Variants in MCPH1 observed in about 807,000 individuals in gnomAD.
MCPH1 encodes microcephalin 1, also known as microcephalin.
A neutral mutation model predicts 84.5 loss-of-function variants in MCPH1; 104 were observed. The observed-to-expected ratio is 1.23, with a 90% CI of 1.05 to 1.45. The LOEUF is 1.45. Ranked by LOEUF, MCPH1 falls within the 40% of genes most tolerant of loss-of-function variation. The pLI is 0.00. For missense variants in MCPH1, 1,498 were observed against 1,005.7 expected (o/e 1.49, Z -6.62); for synonymous variants, 514 against 366.8 (o/e 1.40, Z -4.58).
chr8:6,609,645 G>T (rs1830079471), intron 12 of MCPH1, among the ~76,000 whole-genome samples: 1 of 152,206 alleles, frequency 6.6e-6, no homozygotes, highest in African/African-American at 2.4e-5. Flanking sequence ...GAAAAGCTAA[G>T]CCGGGAGCGA....
At chr8:6,593,569 G>A (rs1828687008) in intron 12 of MCPH1, among the ~76,000 whole-genome samples, 1 of 152,030 alleles carries the variant, frequency 6.6e-6, no homozygotes, top group Non-Finnish European at 1.5e-5. Context: ...GTCCAGGCTA[G>A]TCCCAGACTC....
chr8:6,567,297 A>G (rs1434105935), intron 12 of MCPH1, among the ~76,000 whole-genome samples: 3 of 28,982 alleles, frequency 1.0e-4, no homozygotes, highest in Non-Finnish European at 3.0e-4. Flanking sequence ...GATAGTGTAC[A>G]CGGTGCGATG....
chr8:6,575,697 G>A (rs1273104548), intron 12 of MCPH1, among the ~76,000 whole-genome samples: 1 of 152,194 alleles, frequency 6.6e-6, no homozygotes, highest in Non-Finnish European at 1.5e-5. Context: ...AATCAGTTAA[G>A]ATAGGGTCAT....
chr8:6,509,761 G>A (rs934609981), intron 12 of MCPH1, among the ~76,000 whole-genome samples: 34 of 152,124 alleles, frequency 2.2e-4, no homozygotes, highest in South Asian at 4.1e-4. Flanking sequence ...CTGACCTTTG[G>A]AGCATCATAG....
intron 12 of MCPH1, chr8:6,503,085 A>T: frequency 6.2e-7 from 1 of 1,614,034 alleles, no homozygotes; most frequent in Non-Finnish European, 8.5e-7. Flanking sequence ...ACAGTTCCTC[A>T]GGTGGACTGG....
At chr8:6,548,199 C>G (rs1050522826) in intron 12 of MCPH1, among the ~76,000 whole-genome samples, 1 of 152,104 alleles carries the variant, frequency 6.6e-6, no homozygotes, top group Non-Finnish European at 1.5e-5. Flanking sequence ...CACGCTTTGA[C>G]TTTAGAAGGC....
At chr8:6,564,621 G>A (rs891766915) in intron 12 of MCPH1, among the ~76,000 whole-genome samples, 1 of 152,114 alleles carries the variant, frequency 6.6e-6, no homozygotes, top group Non-Finnish European at 1.5e-5. Context: ...TATTCCCAGT[G>A]AGCGCTGAAT....
At chr8:6,544,705 C>T (rs1488992623) in intron 12 of MCPH1, among the ~76,000 whole-genome samples, 4 of 152,092 alleles carry the variant, frequency 2.6e-5, no homozygotes, top group South Asian at 4.1e-4. Flanking sequence ...CAGAAAATGG[C>T]ACTCTAAGAA....
chr8:6,523,520 G>T (rs553609021), intron 12 of MCPH1, among the ~76,000 whole-genome samples: 22 of 152,282 alleles, frequency 1.4e-4, no homozygotes, highest in African/African-American at 4.8e-4. Context: ...ATGTATTTGA[G>T]AATGTTAACT....
intron 3 of MCPH1, among the ~76,000 whole-genome samples, chr8:6,420,892 C>G (rs910388896): frequency 6.6e-5 from 10 of 152,144 alleles, no homozygotes; most frequent in African/African-American, 2.2e-4. Context: ...AAAGAAGAGA[C>G]TGACGCAAGG....
intron 12 of MCPH1, among the ~76,000 whole-genome samples, chr8:6,544,097 A>G (rs1341659344): frequency 2.0e-5 from 3 of 152,252 alleles, no homozygotes; most frequent in Admixed American, 6.5e-5. Context: ...GACAGAGAAT[A>G]GTATAACTTT....
At chr8:6,440,696 A>G (rs1803376358) in intron 6 of MCPH1, among the ~76,000 whole-genome samples, 1 of 152,154 alleles carries the variant, frequency 6.6e-6, no homozygotes. Context: ...GTTACTTTTG[A>G]TTAGAAGCAG....
chr8:6,414,872 C>G lies in MCPH1; in HGVS notation c.222C>G (p.Leu74=), dbSNP rs774988231. 5 of 1,613,292 alleles carry G rather than the reference C, an allele frequency of 3.1e-6. No homozygotes were observed. In the African/African-American group the frequency reaches 6.7e-5, roughly 22 times the overall value. Residue 74 remains leucine (L), a synonymous_variant, in exon 3 of 14, where the codon CTC becomes CTG. Coordinates refer to ENST00000344683, the MANE Select transcript of MCPH1 (RefSeq NM_024596.5). ...QKRGVKLVSV[L]WVEKCRTAGA... ...GAGGCGTAAAGCTCGTTTCGGTGCT[C>G]TGGGTGGAAAAGTAAGCAGTTTCTC...
chr8:6,474,017 T>G (rs922445012), intron 9 of MCPH1: 11 of 860,608 alleles, frequency 1.3e-5, no homozygotes, highest in Non-Finnish European at 1.8e-5. Flanking sequence ...GTCTTTTAGT[T>G]TCTTCTCATT....
In MCPH1 at chr8:6,414,822, A is replaced by C. The variant is rs878856070; in HGVS notation, c.172A>C (p.Ser58Arg). 1 of 1,613,892 alleles carries C rather than the reference A, an allele frequency of 6.2e-7. No homozygotes were observed. Among genetic ancestry groups the C allele is most frequent in the South Asian group, 1.1e-5 (1 of 91,062 alleles). The stretch of plus-strand genomic sequence containing the variant: ...CGTTATCTTCAAAGATGGCTACCAG[A>C]GCACTTGGGACAAAGCTCAGAAGAG... ...THVIFKDGYQ[S>R]TWDKAQKRGV... Residue 58 changes from serine (S) to arginine (R), a missense_variant, in exon 3 of 14, where the codon AGC (serine) becomes CGC (arginine). Coordinates refer to ENST00000344683, the MANE Select transcript of MCPH1 (RefSeq NM_024596.5).
At chr8:6,623,372 T>G (rs2936538) in intron 13 of MCPH1, among the ~76,000 whole-genome samples, 1 of 151,660 alleles carries the variant, frequency 6.6e-6, no homozygotes, top group Non-Finnish European at 1.5e-5. Context: ...CTCTCTCTCC[T>G]GTTCTCTCAT....
At chr8:6,568,321 A>G (rs1398886678) in intron 12 of MCPH1, among the ~76,000 whole-genome samples, 1 of 147,950 alleles carries the variant, frequency 6.8e-6, no homozygotes, top group Non-Finnish European at 1.5e-5. Context: ...GAATGTGGAA[A>G]AGGACTTATG....
At chr8:6,620,343 A>G (rs562280491) in intron 12 of MCPH1, 1 of 152,356 alleles carries the variant, frequency 6.6e-6, no homozygotes, top group South Asian at 2.1e-4. Context: ...CTTTTGTTAA[A>G]TATTACAGTA....
At chr8:6,518,852 A>G (rs762791015) in intron 12 of MCPH1, among the ~76,000 whole-genome samples, 1 of 152,196 alleles carries the variant, frequency 6.6e-6, no homozygotes, top group Non-Finnish European at 1.5e-5. Context: ...TTCTCCTGTA[A>G]TATCATTCTT....
Sources: gnomAD v4.1 joint callset for allele counts (sites outside exome capture counted in the v4.1 genomes callset) on GRCh38, gnomAD v4.1.1 for gene constraint, MANE v1.5 for transcripts, NCBI Gene and HGNC (gene_info 2026-07-23, HGNC 2026-07-21) for gene names.